DAB1: variants seen among roughly 807,000 people sequenced by gnomAD.
The protein encoded by DAB1 is DAB adaptor protein 1, also known as disabled homolog 1.
Under a neutral mutation model 64.6 loss-of-function variants are expected in DAB1, and 15 were observed. That is an observed-to-expected ratio of 0.23 (90% CI 0.16 to 0.36). The LOEUF (loss-of-function observed/expected upper bound fraction) is 0.36, where lower values mean the gene tolerates loss of function less well. Among genes scored for constraint, DAB1 ranks in the 10% least tolerant of loss-of-function variants. The probability of loss-of-function intolerance (pLI) is 1.00; values close to 1 mark genes in which losing one functional copy is unlikely to be tolerated. For missense variants in DAB1, 596 were observed against 706.7 expected, an observed-to-expected ratio of 0.84 and a Z score of 1.78; for synonymous variants, 235 against 251.9, an observed-to-expected ratio of 0.93 and a Z score of 0.64.
intron 1 of DAB1, among the ~76,000 whole-genome samples, chr1:57,362,593 A>T (rs938170358): frequency 6.6e-6 from 1 of 152,126 alleles, no homozygotes; most frequent in African/African-American, 2.4e-5. Context: ...GAGTGGGATT[A>T]GTCCCCTTAT....
At chr1:57,118,125 A>ATTCC (rs1163208717) in intron 4 of DAB1, among the ~76,000 whole-genome samples, 1 of 152,198 alleles carries the variant, frequency 6.6e-6, no homozygotes, top group Non-Finnish European at 1.5e-5. Flanking sequence ...CTTGGATCTG[A>ATTCC]TTCCTTCTCT....
intron 4 of DAB1, among the ~76,000 whole-genome samples, chr1:58,248,986 G>A (rs753275174): frequency 6.6e-6 from 1 of 152,086 alleles, no homozygotes; most frequent in Admixed American, 6.6e-5. Context: ...GCATTCATTG[G>A]AACTCAGCCT....
At chr1:57,441,799 A>T (rs773732560) in intron 7 of DAB1, among the ~76,000 whole-genome samples, 2 of 152,210 alleles carry the variant, frequency 1.3e-5, no homozygotes, top group Non-Finnish European at 2.9e-5. Flanking sequence ...TTTTGGGTAT[A>T]TACCCAGTAA....
intron 4 of DAB1, among the ~76,000 whole-genome samples, chr1:58,175,210 C>T (rs1373536931): frequency 6.6e-6 from 1 of 152,172 alleles, no homozygotes; most frequent in Non-Finnish European, 1.5e-5. Context: ...AGTGAGACCA[C>T]AAACCCACAA....
rs79251266 is a variant in DAB1, at chr1:58,445,297, A to G, written n.257+60763T>C. 9.7e-3 allele frequency among the ~76,000 whole-genome samples: 1,483 copies of G among 152,358 alleles called. 22 individuals are homozygous for G. Among genetic ancestry groups the G allele is most frequent in the African/African-American group, 0.034 (1,420 of 41,582 alleles). On this transcript the variant is annotated intron_variant and non_coding_transcript_variant, in intron 3 of 20. Coordinates refer to the DAB1 transcript ENST00000485760. ...CTGACTATATTAGTAGCAGTAGTAT[A>G]AAGTTCCCAATAATTGGATGAAATA...
intron 6 of DAB1, among the ~76,000 whole-genome samples, chr1:57,709,653 G>A (rs7521784): frequency 0.33 from 49,661 of 151,920 alleles, 8,181 homozygotes; most frequent in East Asian, 0.45. Context: ...CTGGTTCTGC[G>A]GCAGAATGCA....
At chr1:58,276,574 G>A (rs1661449869) in intron 4 of DAB1, among the ~76,000 whole-genome samples, 1 of 152,170 alleles carries the variant, frequency 6.6e-6, no homozygotes, top group Admixed American at 6.5e-5. Context: ...GAAAAGGTGT[G>A]TGCTGAGTAG....
At chr1:57,819,000 A>AT (rs202090271) in intron 6 of DAB1, among the ~76,000 whole-genome samples, 8 of 152,168 alleles carry the variant, frequency 5.3e-5, no homozygotes, top group African/African-American at 1.2e-4. Flanking sequence ...AATTTAGTAA[A>AT]TTTTTTTAAA....
intron 7 of DAB1, among the ~76,000 whole-genome samples, chr1:57,441,718 A>G (rs558931948): frequency 1.3e-5 from 2 of 152,224 alleles, no homozygotes; most frequent in East Asian, 3.9e-4. Context: ...TGTCTTTGCT[A>G]TTGTGATTGT....
chr1:57,635,911 C>G (rs957922666), intron 7 of DAB1, among the ~76,000 whole-genome samples: 3 of 151,742 alleles, frequency 2.0e-5, no homozygotes, highest in Admixed American at 1.3e-4. Flanking sequence ...CTGGCTAATA[C>G]GGTGAAACCC....
chr1:58,206,081 G>T (rs75289262), intron 4 of DAB1, among the ~76,000 whole-genome samples: 1 of 152,002 alleles, frequency 6.6e-6, no homozygotes, highest in Non-Finnish European at 1.5e-5. Context: ...AGTTAAGGAC[G>T]TGCGCCCATG....
At chr1:58,261,135 C>T (rs1435446782) in intron 4 of DAB1, among the ~76,000 whole-genome samples, 2 of 152,092 alleles carry the variant, frequency 1.3e-5, no homozygotes, top group Non-Finnish European at 2.9e-5. Flanking sequence ...TTGGCCATAT[C>T]CCCGAGTTAA....
intron 4 of DAB1, among the ~76,000 whole-genome samples, chr1:57,134,966 A>G (rs1039817658): frequency 6.6e-6 from 1 of 152,192 alleles, no homozygotes; most frequent in African/African-American, 2.4e-5. Context: ...TAAAGTAGCT[A>G]TTGTTAGTAT....
intron 3 of DAB1, among the ~76,000 whole-genome samples, chr1:58,404,991 C>A (rs1364851427): frequency 1.3e-5 from 2 of 152,198 alleles, no homozygotes; most frequent in Non-Finnish European, 2.9e-5. Context: ...CCATATTGAG[C>A]ATCCTAATCC....
chr1:58,023,319 A>G (rs961146484), intron 5 of DAB1, among the ~76,000 whole-genome samples: 1 of 152,166 alleles, frequency 6.6e-6, no homozygotes, highest in Non-Finnish European at 1.5e-5. Flanking sequence ...CTAATGCTTA[A>G]AGTAATGCAT....
chr1:57,179,172 G>T (rs1368774998), intron 2 of DAB1, among the ~76,000 whole-genome samples: 1 of 152,098 alleles, frequency 6.6e-6, no homozygotes, highest in Non-Finnish European at 1.5e-5. Context: ...GTTTGGGGGG[G>T]ATTAGGAAAG....
intron 1 of DAB1, among the ~76,000 whole-genome samples, chr1:57,418,741 C>T (rs894234374): frequency 5.3e-5 from 8 of 152,026 alleles, no homozygotes; most frequent in Non-Finnish European, 1.2e-4. Context: ...TATATGTCAG[C>T]TTCAAATAAA....
intron 4 of DAB1, among the ~76,000 whole-genome samples, chr1:57,097,529 G>C (rs1654273425): frequency 6.6e-6 from 1 of 152,168 alleles, no homozygotes; most frequent in Non-Finnish European, 1.5e-5. Flanking sequence ...AATTGCAGGA[G>C]CTGGAAATAT....
intron 6 of DAB1, among the ~76,000 whole-genome samples, chr1:57,816,069 C>T (rs1651841456): frequency 6.6e-6 from 1 of 152,186 alleles, no homozygotes; most frequent in Non-Finnish European, 1.5e-5. Flanking sequence ...CAACGTTTCC[C>T]TCACTGGTAA....
Sources: gnomAD v4.1 joint callset for allele counts (sites outside exome capture counted in the v4.1 genomes callset) on GRCh38, gnomAD v4.1.1 for gene constraint, MANE v1.5 for transcripts, NCBI Gene and HGNC (gene_info 2026-07-23, HGNC 2026-07-21) for gene names.